SLC48A1: variants seen among roughly 807,000 people sequenced by gnomAD.
SLC48A1 encodes solute carrier family 48 member 1, also known as heme transporter HRG1.
In SLC48A1, 6 loss-of-function variants were observed where a neutral mutation model predicts 14.8. The observed-to-expected ratio is 0.41, with a 90% CI of 0.22 to 0.80. SLC48A1 has a LOEUF of 0.80. Ranked by LOEUF, SLC48A1 falls within the 30% of genes least tolerant of loss-of-function variation. The pLI, the probability that SLC48A1 is intolerant of heterozygous loss-of-function variation, is 0.34. For synonymous variants in SLC48A1, 89 were observed against 90.0 expected (o/e 0.99, Z 0.06); for missense variants, 165 against 204.8 (o/e 0.81, Z 1.19).
upstream of SLC48A1, among the ~76,000 whole-genome samples, chr12:47,755,158 C>T (rs1178481186): frequency 6.6e-6 from 1 of 152,194 alleles, no homozygotes; most frequent in African/African-American, 2.4e-5. Flanking sequence ...TGAGCTTGGA[C>T]TCTGCAGCCA....
chr12:47,772,627 T>C (rs1295894841), upstream of SLC48A1, among the ~76,000 whole-genome samples: 2 of 151,976 alleles, frequency 1.3e-5, no homozygotes, highest in Non-Finnish European at 2.9e-5. Flanking sequence ...TGCGGAGCTA[T>C]GATGGCGCCA....
In SLC48A1 at chr12:47,780,289, G is replaced by C; in HGVS notation, c.*8G>C. ...ATCCTCAGCGATTTCTGACCCAGGG[G>C]GTGAGGTCTCTGCACCCTGGGGGGG... On this transcript the variant is annotated 3_prime_UTR_variant, in exon 3 of 3. Transcript: ENST00000442218. 2 of 1,614,122 alleles carry C rather than the reference G, an allele frequency of 1.2e-6. No homozygotes were observed. Among genetic ancestry groups the C allele is most frequent in the East Asian group, 2.2e-5 (1 of 44,882 alleles).
At position 47,773,296 on chromosome 12, in the gene SLC48A1, C is replaced by A. The variant is rs534212502; in HGVS notation, c.-9C>A. The A allele has an allele frequency of 1.9e-4, 278 of 1,437,574 alleles. 4 individuals carry two copies. In the South Asian group the frequency reaches 3.2e-3, roughly 17 times the overall value. The allele number at this position is 1,437,574 out of a possible 1,614,324, so 89.1% of individuals were successfully genotyped here. A position where few individuals can be genotyped will look rare whatever the true frequency, so the allele number is the denominator to read the frequency against. On this transcript the variant is annotated 5_prime_UTR_variant, in exon 1 of 3. Coordinates refer to ENST00000442218, the MANE Select transcript of SLC48A1 (RefSeq NM_017842.3). ...CGCTCGCCCTCGGCCCGCCCGGCGCCGCAGCCCCATGGCCCCGTCCAGGCT... is the reference window on the plus strand; with the variant it reads ...CGCTCGCCCTCGGCCCGCCCGGCGCAGCAGCCCCATGGCCCCGTCCAGGCT...
chr12:47,782,605 C>G lies in SLC48A1; in HGVS notation c.*2324C>G, dbSNP rs1400082896. 2 of 152,296 alleles carry G rather than the reference C, an allele frequency of 1.3e-5. No individual in the cohort carries two copies. The highest frequency in any genetic ancestry group is 2.9e-5 in the Non-Finnish European group (2 of 68,076). 9.4% of individuals were successfully genotyped at this position (152,296 alleles called of 1,614,324 possible). A position where few individuals can be genotyped will look rare whatever the true frequency, so the allele number is the denominator to read the frequency against. ...ATTGTTAAAGGGGCTGCGGCCCAGACCACCCTGGTCCCTCCTCCGGCAGTG... is the reference window on the plus strand; with the variant it reads ...ATTGTTAAAGGGGCTGCGGCCCAGAGCACCCTGGTCCCTCCTCCGGCAGTG... On this transcript the variant is annotated 3_prime_UTR_variant, in exon 3 of 3. Transcript: ENST00000442218.
chr12:47,775,745 G>A (rs1478009461), intron 1 of SLC48A1, among the ~76,000 whole-genome samples: 2 of 152,372 alleles, frequency 1.3e-5, no homozygotes, highest in Middle Eastern at 3.4e-3. Flanking sequence ...CTGATTGGAT[G>A]TGCCAGTTTC....
upstream of SLC48A1, chr12:47,770,934 A>C (rs758441390): frequency 2.2e-6 from 1 of 456,478 alleles, no homozygotes; most frequent in South Asian, 1.5e-5. Context: ...AGTACTGTCC[A>C]TCCTGGCCAG....
At chr12:47,769,252 T>G (rs766049856), upstream of SLC48A1, 4 of 152,270 alleles carry the variant, frequency 2.6e-5, no homozygotes, top group Non-Finnish European at 5.9e-5. Context: ...AATGTTGGTG[T>G]GTGTTGTGGA....
chr12:47,767,380 T>C (rs1314251052), upstream of SLC48A1, among the ~76,000 whole-genome samples: 1 of 152,216 alleles, frequency 6.6e-6, no homozygotes, highest in African/African-American at 2.4e-5. Context: ...CCTTTTCATA[T>C]GTATTGAATA....
Position 47,779,186 on chromosome 12 carries a change from C to T in SLC48A1, c.295C>T (p.Arg99Trp), listed in dbSNP as rs539192557. Residue 99 changes from arginine (R) to tryptophan (W), a missense_variant, in exon 2 of 3, where the codon CGG becomes TGG. Arg to Trp is a moderately radical substitution (Grantham distance 101, BLOSUM62 -3). Transcript: ENST00000442218. ...CACCTTCCTCGTGCTGGCCATCACC[C>T]GGCATCAGAGTGAGGGCGGGTCCCA... is the stretch of plus-strand genomic sequence containing the variant. The part of the protein sequence containing the change: ...FCTFLVLAIT[R>W]HQSLTDPTSY... 1.7e-5 allele frequency: 27 copies of T among 1,551,366 alleles called. No individual in the cohort carries two copies. Among genetic ancestry groups the T allele is most frequent in the African/African-American group, 8.2e-5 (6 of 73,130 alleles).
exon 2 of SLC48A1, chr12:47,760,399 C>T: frequency 1.0e-6 from 1 of 985,428 alleles, no homozygotes; most frequent in Non-Finnish European, 1.2e-6. Flanking sequence ...TTGGGAGTCA[C>T]AGGTATGCAT....
intron 1 of SLC48A1, 121 bp downstream of exon 1, chr12:47,773,561 G>A: frequency 8.2e-7 from 1 of 1,217,808 alleles, no homozygotes; most frequent in Non-Finnish European, 1.0e-6. Flanking sequence ...GTGTTTACTC[G>A]AAAACAGCGG....
intron 2 of SLC48A1, among the ~76,000 whole-genome samples, chr12:47,763,797 TG>T (rs970149430): frequency 3.3e-5 from 5 of 152,184 alleles, no homozygotes; most frequent in African/African-American, 1.2e-4. Flanking sequence ...GAGGCCAATG[TG>T]GGCAAGCTGG....
intron 2 of SLC48A1, among the ~76,000 whole-genome samples, chr12:47,765,433 C>T (rs1376256268): frequency 1.3e-5 from 2 of 152,170 alleles, no homozygotes; most frequent in African/African-American, 4.8e-5. Flanking sequence ...TGCTTTGCCT[C>T]TGGTGGAAGT....
At chr12:47,771,871 T>G (rs1383093462), upstream of SLC48A1, among the ~76,000 whole-genome samples, 1 of 151,184 alleles carries the variant, frequency 6.6e-6, no homozygotes, top group Non-Finnish European at 1.5e-5. Context: ...AGGCAGAGAT[T>G]GCAGTGAGCT....
chr12:47,759,495 C>CTG (rs1352027876), intron 1 of SLC48A1, among the ~76,000 whole-genome samples: 1 of 58,498 alleles, frequency 1.7e-5, no homozygotes, highest in African/African-American at 7.2e-5. Flanking sequence ...GGGTAGGGGC[C>CTG]CTAAGAGGAG....
At chr12:47,776,980 G>A (rs1942767827) in intron 1 of SLC48A1, among the ~76,000 whole-genome samples, 1 of 152,200 alleles carries the variant, frequency 6.6e-6, no homozygotes. Flanking sequence ...GGCACGAGGA[G>A]ACAGAGGGCG....
upstream of SLC48A1, among the ~76,000 whole-genome samples, chr12:47,755,202 TAGC>T (rs1237743716): frequency 6.6e-6 from 1 of 152,216 alleles, no homozygotes; most frequent in Non-Finnish European, 1.5e-5. Flanking sequence ...CTTTGCCACT[TAGC>T]AGCTGCGTAA....
upstream of SLC48A1, chr12:47,755,790 A>C (rs2136819617): frequency 6.6e-6 from 1 of 152,308 alleles, no homozygotes; most frequent in Non-Finnish European, 1.5e-5. Context: ...GTCTGGCCTC[A>C]ATAACTGGCA....
At chr12:47,773,207 T>C, upstream of SLC48A1, 1 of 1,044,948 alleles carries the variant, frequency 9.6e-7, no homozygotes, top group Non-Finnish European at 1.1e-6. Flanking sequence ...GGGCGCCGGC[T>C]GCTCTGGCGG....
Sources: allele counts gnomAD v4.1 joint callset (sites outside exome capture counted in the v4.1 genomes callset), GRCh38; gene constraint gnomAD v4.1.1; transcripts MANE v1.5; gene names NCBI Gene and HGNC (gene_info 2026-07-23, HGNC 2026-07-21).